SNTB1: variants seen among roughly 807,000 people sequenced by gnomAD.
SNTB1 encodes syntrophin beta 1.
In SNTB1, 36 loss-of-function variants were observed where a neutral mutation model predicts 48.9. The ratio of observed to expected loss-of-function variants is 0.74; its 90% CI spans 0.56 to 0.97. The LOEUF is 0.97. Ranked by LOEUF, SNTB1 falls within the 50% of genes least tolerant of loss-of-function variation. The pLI is 0.00. For synonymous variants in SNTB1, 299 were observed against 294.6 expected (o/e 1.01, Z -0.15); for missense variants, 786 against 703.4 (o/e 1.12, Z -1.33).
chr8:120,766,134 A>G (rs1438888754), intron 1 of SNTB1, among the ~76,000 whole-genome samples: 1 of 152,146 alleles, frequency 6.6e-6, no homozygotes, highest in Non-Finnish European at 1.5e-5. Context: ...GAGGGTTCTC[A>G]CTCTGGGGAT....
intron 1 of SNTB1, among the ~76,000 whole-genome samples, chr8:120,779,908 T>G (rs780969937): frequency 6.6e-6 from 1 of 152,000 alleles, no homozygotes; most frequent in Middle Eastern, 3.4e-3. Context: ...AGAAAGGGAT[T>G]TGAGGGTTGT....
intron 1 of SNTB1, among the ~76,000 whole-genome samples, chr8:120,750,571 A>G (rs1819196177): frequency 6.6e-6 from 1 of 152,150 alleles, no homozygotes; most frequent in African/African-American, 2.4e-5. Context: ...AATGTTGCCA[A>G]TACAGTTTGT....
intron 5 of SNTB1, among the ~76,000 whole-genome samples, chr8:120,544,508 C>T (rs2130646466): frequency 6.6e-6 from 1 of 152,320 alleles, no homozygotes; most frequent in Non-Finnish European, 1.5e-5. Flanking sequence ...ACTTCTCCAC[C>T]ACCCAGCTAG....
chr8:120,645,543 A>G (rs1002219462), intron 2 of SNTB1, among the ~76,000 whole-genome samples: 2 of 150,262 alleles, frequency 1.3e-5, no homozygotes, highest in Non-Finnish European at 3.0e-5. Flanking sequence ...TGGTACCAGT[A>G]CCATGCTGTT....
At chr8:120,575,062 T>C (rs1405809038) in intron 4 of SNTB1, 24 bp downstream of exon 4, 3 of 1,613,994 alleles carry the variant, frequency 1.9e-6, no homozygotes, top group East Asian at 4.5e-5. Flanking sequence ...AAACACATCA[T>C]ACCAAACACA....
At chr8:120,786,244 A>T (rs7010935) in intron 1 of SNTB1, among the ~76,000 whole-genome samples, 10,297 of 152,242 alleles carry the variant, frequency 0.068, 513 homozygotes, top group African/African-American at 0.14. Flanking sequence ...CCTAGGGAAG[A>T]AGGCATGCAC....
At chr8:120,810,137 C>G (rs1477370400) in intron 1 of SNTB1, among the ~76,000 whole-genome samples, 2 of 152,154 alleles carry the variant, frequency 1.3e-5, no homozygotes, top group Admixed American at 6.5e-5. Flanking sequence ...TGTCATGGAG[C>G]AACTAAGCTC....
chr8:120,708,536 T>C, intron 1 of SNTB1, among the ~76,000 whole-genome samples: 1 of 152,008 alleles, frequency 6.6e-6, no homozygotes, highest in East Asian at 1.9e-4. Flanking sequence ...TTCCTAAATA[T>C]AAACATAAAT....
At chr8:120,771,947 A>G (rs1563597010) in intron 1 of SNTB1, among the ~76,000 whole-genome samples, 13 of 149,416 alleles carry the variant, frequency 8.7e-5, no homozygotes, top group Non-Finnish European at 4.5e-5. Context: ...TTGGCTCACA[A>G]CCACCTCCAC....
In SNTB1 at chr8:120,693,784, C is replaced by T. The variant is rs758220895; in HGVS notation, c.696G>A (p.Ser232=). 1.9e-6 allele frequency: 3 copies of T among 1,613,934 alleles called. No individual in the cohort carries two copies. Among genetic ancestry groups the T allele is most frequent in the Non-Finnish European group, 2.5e-6 (3 of 1,179,962 alleles). Residue 232 remains serine, a synonymous_variant, in exon 2 of 7, where the codon TCG becomes TCA. Coordinates refer to ENST00000517992, the MANE Select transcript of SNTB1 (RefSeq NM_021021.4). ...LGGSTSDPPS[S]QSFSFHRDRK... ...GGTCTCTGTGGAAGGAGAAGGACTGCGATGACGGGGGGTCTGAGGTGCTGC... is the reference window on the plus strand; with the variant it reads ...GGTCTCTGTGGAAGGAGAAGGACTGTGATGACGGGGGGTCTGAGGTGCTGC...
At chr8:120,690,072 C>T (rs1003215761) in intron 2 of SNTB1, among the ~76,000 whole-genome samples, 5 of 139,786 alleles carry the variant, frequency 3.6e-5, no homozygotes, top group African/African-American at 1.4e-4. Context: ...CAACTGCAGC[C>T]CAAAATAAGT....
At chr8:120,542,734 A>G (rs919024602) in intron 5 of SNTB1, among the ~76,000 whole-genome samples, 1 of 152,128 alleles carries the variant, frequency 6.6e-6, no homozygotes, top group Non-Finnish European at 1.5e-5. Flanking sequence ...ACACACGCAC[A>G]CACACACAAT....
At chr8:120,779,668 C>T (rs1317466188) in intron 1 of SNTB1, among the ~76,000 whole-genome samples, 1 of 152,118 alleles carries the variant, frequency 6.6e-6, no homozygotes, top group Admixed American at 6.5e-5. Flanking sequence ...AATTTGCAAG[C>T]TGTGGGTAAA....
At chr8:120,657,314 G>A (rs1233594332) in intron 2 of SNTB1, among the ~76,000 whole-genome samples, 1 of 152,246 alleles carries the variant, frequency 6.6e-6, no homozygotes, top group Admixed American at 6.5e-5. Context: ...CAGACTGCAA[G>A]TTACCAAGTT....
At chr8:120,658,541 C>A (rs1396507431) in intron 2 of SNTB1, among the ~76,000 whole-genome samples, 1 of 152,026 alleles carries the variant, frequency 6.6e-6, no homozygotes, top group African/African-American at 2.4e-5. Context: ...TTTTGGTTTC[C>A]CAGTGCATGT....
intron 5 of SNTB1, among the ~76,000 whole-genome samples, chr8:120,543,915 T>C (rs1815334087): frequency 6.6e-6 from 1 of 151,714 alleles, no homozygotes; most frequent in African/African-American, 2.4e-5. Flanking sequence ...GACAGTAGCA[T>C]AGAGATTGTG....
rs912377825 is a variant in SNTB1 at position 120,811,869 on chromosome 8, G to A, written c.-26C>T. ...CTTTCCGGCATTCTTAAAATGCCAT[G>A]TGATTGGAAAAGGGGGGAAAAGTGG... On this transcript the variant is annotated 5_prime_UTR_variant, in exon 1 of 7. Transcript: ENST00000517992. 1 of 1,328,786 alleles carries A rather than the reference G, an allele frequency of 7.5e-7. No individual in the cohort carries two copies. The highest frequency in any genetic ancestry group is 9.6e-7 in the Non-Finnish European group (1 of 1,043,430). The allele number at this position is 1,328,786 out of a possible 1,614,324, so 82.3% of individuals were successfully genotyped here. A position where few individuals can be genotyped will look rare whatever the true frequency, so the allele number is the denominator to read the frequency against.
intron 1 of SNTB1, among the ~76,000 whole-genome samples, chr8:120,797,546 CTTTTTTTTTTT>C (rs60374035): frequency 0.026 from 1,770 of 69,218 alleles, 29 homozygotes; most frequent in African/African-American, 0.091. Flanking sequence ...ACTTGTTTCT[CTTTTTTTTTTT>C]TTTTTTTTTT....
intron 1 of SNTB1, among the ~76,000 whole-genome samples, chr8:120,783,369 GAA>G (rs1819862036): frequency 1.3e-5 from 2 of 151,908 alleles, no homozygotes; most frequent in African/African-American, 4.8e-5. Context: ...TGTTTAAAAT[GAA>G]AGTTATGTTA....
Sources: gnomAD v4.1 joint callset for allele counts (sites outside exome capture counted in the v4.1 genomes callset) on GRCh38, gnomAD v4.1.1 for gene constraint, MANE v1.5 for transcripts, NCBI Gene and HGNC (gene_info 2026-07-23, HGNC 2026-07-21) for gene names.